The following PIEZO2 variants were observed in gnomAD, a reference collection of about 807,000 sequenced individuals.
The protein encoded by PIEZO2 is piezo type mechanosensitive ion channel component 2.
Under a neutral mutation model 337.3 loss-of-function variants are expected in PIEZO2, and 172 were observed. The ratio of observed to expected loss-of-function variants is 0.51; its 90% CI spans 0.45 to 0.58. The LOEUF is 0.58. PIEZO2 is among the 20% of genes least tolerant of loss of function. PIEZO2 has a pLI of 0.00. For missense variants in PIEZO2, 3,028 were observed against 3,391.3 expected (o/e 0.89, Z 2.66); for synonymous variants, 1,251 against 1,228.5 (o/e 1.02, Z -0.38).
intron 1 of PIEZO2, among the ~76,000 whole-genome samples, chr18:11,147,150 GGA>G (rs1275112014): frequency 1.3e-5 from 2 of 152,156 alleles, no homozygotes; most frequent in African/African-American, 4.8e-5. Context: ...AAGCTGGCGG[GGA>G]GAGAGGTGCA....
chr18:11,037,064 AAG>A (rs1199884041), intron 2 of PIEZO2, among the ~76,000 whole-genome samples: 4 of 152,186 alleles, frequency 2.6e-5, no homozygotes, highest in Non-Finnish European at 5.9e-5. Context: ...CTCTGGGTTC[AAG>A]TGAGTCTCCT....
chr18:10,778,701 G>A (rs183836108), intron 18 of PIEZO2, among the ~76,000 whole-genome samples: 128 of 152,264 alleles, frequency 8.4e-4, no homozygotes, highest in African/African-American at 3.0e-3. Flanking sequence ...GGTAAAGATG[G>A]GATATTGCAA....
chr18:10,778,550 T>C (rs1690111917), intron 18 of PIEZO2, among the ~76,000 whole-genome samples: 1 of 152,120 alleles, frequency 6.6e-6, no homozygotes, highest in African/African-American at 2.4e-5. Flanking sequence ...GCCAGGATGG[T>C]CTCGATCTCC....
chr18:10,872,886 T>C lies in PIEZO2; in HGVS notation c.330-1471A>G, dbSNP rs2042172348. ...GATACAGGTAGAGGAGTCAAGAGTC[T>C]GTACCAGCATTAAAACTTCTGGGGA... is the stretch of plus-strand genomic sequence containing the variant. On this transcript the variant is annotated intron_variant, in intron 4 of 55. Coordinates refer to ENST00000674853, the MANE Select transcript of PIEZO2 (RefSeq NM_001378183.1). This position sits in a 1 kb window ranked among gnomAD's most constrained non-coding sequence, Gnocchi z 4.3. Among the ~76,000 whole-genome samples, 1 of 152,164 alleles carries C rather than the reference T, an allele frequency of 6.6e-6. No individual in the cohort carries two copies. Among genetic ancestry groups the C allele is most frequent in the South Asian group, 2.1e-4 (1 of 4,830 alleles).
At chr18:10,756,621 G>C (rs569520946) in intron 27 of PIEZO2, among the ~76,000 whole-genome samples, 77 of 143,374 alleles carry the variant, frequency 5.4e-4, no homozygotes, top group Middle Eastern at 4.0e-3. Context: ...GAGAAGGATA[G>C]ATGGAGGATG....
chr18:10,827,431 AT>A (rs1016024830), intron 7 of PIEZO2, among the ~76,000 whole-genome samples: 9 of 151,834 alleles, frequency 5.9e-5, no homozygotes, highest in African/African-American at 9.7e-5. Context: ...TAAATCATAC[AT>A]TTTCCCCATG....
At chr18:10,755,069 T>A (rs955875049) in intron 27 of PIEZO2, among the ~76,000 whole-genome samples, 1 of 152,048 alleles carries the variant, frequency 6.6e-6, no homozygotes, top group Non-Finnish European at 1.5e-5. Context: ...GAACTGTAAG[T>A]AGGAGGATGG....
At chr18:11,068,774 C>T (rs970594238) in intron 1 of PIEZO2, among the ~76,000 whole-genome samples, 4 of 152,018 alleles carry the variant, frequency 2.6e-5, no homozygotes, top group African/African-American at 9.7e-5. Flanking sequence ...ATAGAATCCA[C>T]AAACCTCAGA....
chr18:10,734,109 T>C (rs1458220504), intron 35 of PIEZO2, among the ~76,000 whole-genome samples: 1 of 152,234 alleles, frequency 6.6e-6, no homozygotes, highest in Non-Finnish European at 1.5e-5. Context: ...ATGTTGTCTG[T>C]AAGATAATTT....
In PIEZO2 at chr18:10,878,566, A is replaced by G. The variant is rs529272986; in HGVS notation, c.330-7151T>C. ...TTATTAAATAAATGTGTTGGAGAAA[A>G]TATTTCAAAAACAAAAGAAATGAAG... is the stretch of plus-strand genomic sequence containing the variant. On this transcript the variant is annotated intron_variant, in intron 4 of 55. Coordinates refer to ENST00000674853, the MANE Select transcript of PIEZO2 (RefSeq NM_001378183.1). The surrounding 1 kb of genome is among the most constrained non-coding windows in gnomAD (Gnocchi z 4.3). Among the ~76,000 whole-genome samples, 9 of 152,358 alleles carry G rather than the reference A, an allele frequency of 5.9e-5. No homozygotes were observed. In the South Asian group the frequency reaches 1.7e-3, roughly 28 times the overall value.
At chr18:11,030,460 A>G (rs1382587506) in intron 2 of PIEZO2, among the ~76,000 whole-genome samples, 1 of 152,206 alleles carries the variant, frequency 6.6e-6, no homozygotes, top group African/African-American at 2.4e-5. Context: ...TAGTGATGAG[A>G]AAACTGAGGC....
chr18:10,897,172 A>G (rs1427615502), intron 4 of PIEZO2, among the ~76,000 whole-genome samples: 1 of 151,634 alleles, frequency 6.6e-6, no homozygotes. Flanking sequence ...GGTAGTGAGT[A>G]AGTCTCAGGA....
In PIEZO2 at chr18:11,143,672, C is replaced by CTT. The variant is rs2040732165; in HGVS notation, c.64+4852_64+4853insAA. Among the ~76,000 whole-genome samples, 1 of 148,200 alleles carries CTT rather than the reference C, an allele frequency of 6.7e-6. No individual in the cohort carries two copies. The highest frequency in any genetic ancestry group is 6.7e-5 in the Admixed American group (1 of 14,876). On this transcript the variant is annotated intron_variant, in intron 1 of 55. Coordinates refer to ENST00000674853, the MANE Select transcript of PIEZO2 (RefSeq NM_001378183.1). This position sits in a 1 kb window ranked among gnomAD's most constrained non-coding sequence, Gnocchi z 4.9. ...TCTCTCTCTCTCTCTCTCTCTCTCT[C>CTT]ACTCTCTCTCTCTCACATAATTTGG...
rs1232115337 is a variant in PIEZO2 at position 10,813,543 on chromosome 18, C to T, written c.918-6269G>A. On this transcript the variant is annotated intron_variant, in intron 7 of 55. Coordinates refer to ENST00000674853, the MANE Select transcript of PIEZO2 (RefSeq NM_001378183.1). This position sits in a 1 kb window ranked among gnomAD's most constrained non-coding sequence, Gnocchi z 4.2. The stretch of plus-strand genomic sequence containing the variant: ...GTCTTATTTTACGTAGCATGATGGC[C>T]TCAAGGTTCATTCATGTTGTAGCAT... 6.6e-6 allele frequency among the ~76,000 whole-genome samples: 1 copy of T among 152,132 alleles called. No homozygotes were observed. The highest frequency in any genetic ancestry group is 1.9e-4 in the East Asian group (1 of 5,188).
intron 47 of PIEZO2, among the ~76,000 whole-genome samples, chr18:10,695,717 A>G (rs2035050033): frequency 6.6e-6 from 1 of 151,978 alleles, no homozygotes; most frequent in African/African-American, 2.4e-5. Context: ...CCCTCTCAAA[A>G]ATGCCCCCAA....
At chr18:10,798,047 T>C (rs1312253543) in intron 11 of PIEZO2, among the ~76,000 whole-genome samples, 1 of 152,240 alleles carries the variant, frequency 6.6e-6, no homozygotes, top group East Asian at 1.9e-4. Flanking sequence ...CTGATGGCTC[T>C]GCCAGCCAGA....
intron 36 of PIEZO2, among the ~76,000 whole-genome samples, chr18:10,721,264 C>T (rs548428725): frequency 7.9e-5 from 12 of 152,252 alleles, no homozygotes; most frequent in Middle Eastern, 3.4e-3. Flanking sequence ...TTGCAAGGAT[C>T]GAGTTAGTTA....
chr18:11,145,088 A>G (rs933258506), intron 1 of PIEZO2, among the ~76,000 whole-genome samples: 2 of 152,246 alleles, frequency 1.3e-5, no homozygotes, highest in Non-Finnish European at 2.9e-5. Flanking sequence ...AGATTGCATA[A>G]TATGGAAAGT....
intron 2 of PIEZO2, among the ~76,000 whole-genome samples, chr18:11,064,738 A>T (rs1451560408): frequency 6.6e-6 from 1 of 152,206 alleles, no homozygotes; most frequent in African/African-American, 2.4e-5. Context: ...TAAAACAATA[A>T]AGGGCCACAC....
Sources: gnomAD v4.1 joint callset for allele counts (sites outside exome capture counted in the v4.1 genomes callset) on GRCh38, gnomAD v4.1.1 for gene constraint, Gnocchi (gnomAD v3.1) non-coding constraint, MANE v1.5 for transcripts, NCBI Gene and HGNC (gene_info 2026-07-23, HGNC 2026-07-21) for gene names.